Variants in FCN2 observed in about 807,000 individuals in gnomAD.
FCN2 encodes the protein ficolin-2.
Under a neutral mutation model 32.5 loss-of-function variants are expected in FCN2, and 31 were observed. That is an observed-to-expected ratio of 0.96 (90% CI 0.72 to 1.29). The LOEUF is 1.29. Among genes scored for constraint, FCN2 ranks in the 50% most tolerant of loss-of-function variants. The pLI is 0.00. For synonymous variants in FCN2, 181 were observed against 164.5 expected, an observed-to-expected ratio of 1.10 and a Z score of -0.77; for missense variants, 412 against 406.5, an observed-to-expected ratio of 1.01 and a Z score of -0.12.
At chr9:134,869,837 G>A in the FCN2 span, among the ~76,000 whole-genome samples, 2 of 152,216 alleles carry the variant, frequency 1.3e-5, no homozygotes, top group Admixed American at 6.5e-5. Context: ...TGAGGGCTAC[G>A]TGATCACAGA....
At chr9:134,876,159 G>T (rs1048385283), upstream of FCN2, among the ~76,000 whole-genome samples, 7 of 152,120 alleles carry the variant, frequency 4.6e-5, no homozygotes, top group Non-Finnish European at 1.0e-4. Flanking sequence ...TCATAGACAG[G>T]TTCAGTTTGC....
the FCN2 span, among the ~76,000 whole-genome samples, chr9:134,872,374 C>G: frequency 6.6e-6 from 1 of 152,190 alleles, no homozygotes; most frequent in East Asian, 1.9e-4. Context: ...CATGACAAAC[C>G]AGGCTGCTAT....
At chr9:134,871,653 G>C in the FCN2 span, among the ~76,000 whole-genome samples, 5 of 152,204 alleles carry the variant, frequency 3.3e-5, no homozygotes, top group African/African-American at 1.2e-4. Flanking sequence ...CCGGTGCTGA[G>C]AGGGAGGATG....
the FCN2 span, among the ~76,000 whole-genome samples, chr9:134,873,592 C>T: frequency 2.0e-5 from 3 of 152,230 alleles, no homozygotes; most frequent in Non-Finnish European, 4.4e-5. Flanking sequence ...TTGCATTTTG[C>T]CATGTACGGT....
At chr9:134,885,610 C>G (rs1830739110) in intron 5 of FCN2, among the ~76,000 whole-genome samples, 158 bp from the exon 6 acceptor site, 1 of 152,092 alleles carries the variant, frequency 6.6e-6, no homozygotes, top group African/African-American at 2.4e-5. Context: ...TTTCCTCCTT[C>G]ATCCTGTGGA....
upstream of FCN2, among the ~76,000 whole-genome samples, chr9:134,878,757 C>T (rs1009365299): frequency 3.3e-5 from 5 of 152,030 alleles, no homozygotes; most frequent in South Asian, 4.2e-4. Flanking sequence ...GCAGGAGAAT[C>T]GCTTGAACCC....
At chr9:134,882,469 C>T (rs1830677527) in intron 1 of FCN2, 57 bp from the exon 2 acceptor site, 2 of 1,378,582 alleles carry the variant, frequency 1.5e-6, no homozygotes, top group African/African-American at 1.4e-5. Flanking sequence ...ATATCTATGG[C>T]TCAGTGGAGT....
At chr9:134,869,211 C>T in the FCN2 span, among the ~76,000 whole-genome samples, 4 of 152,212 alleles carry the variant, frequency 2.6e-5, no homozygotes, top group African/African-American at 7.2e-5. Flanking sequence ...GAGCCTCACA[C>T]GTTGTACCAA....
chr9:134,871,117 C>T, the FCN2 span, among the ~76,000 whole-genome samples: 4 of 152,188 alleles, frequency 2.6e-5, no homozygotes, highest in Non-Finnish European at 4.4e-5. Flanking sequence ...ACGAAAGCCC[C>T]TGAGTGGGCA....
chr9:134,871,222 C>G, the FCN2 span, among the ~76,000 whole-genome samples: 3 of 152,146 alleles, frequency 2.0e-5, no homozygotes, highest in African/African-American at 7.2e-5. Flanking sequence ...GCGCTGAGGA[C>G]TGGTGGAATG....
chr9:134,876,066 G>A (rs973363880), upstream of FCN2, among the ~76,000 whole-genome samples: 1 of 152,108 alleles, frequency 6.6e-6, no homozygotes, highest in East Asian at 1.9e-4. Flanking sequence ...AATTTGGTAA[G>A]CTAGAGAATT....
At chr9:134,872,638 G>A in the FCN2 span, among the ~76,000 whole-genome samples, 1 of 152,128 alleles carries the variant, frequency 6.6e-6, no homozygotes, top group East Asian at 1.9e-4. Flanking sequence ...ACAAGAGAGA[G>A]CGTGGTGCGG....
the FCN2 span, among the ~76,000 whole-genome samples, chr9:134,874,983 T>A: frequency 8.8e-3 from 1,341 of 152,378 alleles, 15 homozygotes; most frequent in South Asian, 0.05. Flanking sequence ...TTTTAATTTA[T>A]TTCTAATTAT....
chr9:134,885,907 C>G lies in FCN2; in HGVS notation c.559+10C>G, dbSNP rs775115635. ...GCCCTGACCGCCCAGGGTAGGGCCG[C>G]TGCTGGGGCTTGGGGGTCGGGGGCC... On this transcript the variant is annotated intron_variant, in intron 6 of 7. Coordinates refer to ENST00000291744, the MANE Select transcript of FCN2 (RefSeq NM_004108.3). The G allele has an allele frequency of 1.8e-5, 29 of 1,605,934 alleles. No homozygotes were observed. The East Asian group carries it at 6.3e-4, about 35-fold the overall frequency.
At chr9:134,878,080 G>C (rs1309162561), upstream of FCN2, among the ~76,000 whole-genome samples, 1 of 152,152 alleles carries the variant, frequency 6.6e-6, no homozygotes, top group Non-Finnish European at 1.5e-5. Flanking sequence ...TCCTGTGCTG[G>C]ATCCTTCCTG....
Position 134,887,512 on chromosome 9 carries a change from C to A in FCN2, c.*97C>A. 2 of 1,192,284 alleles carry A rather than the reference C, an allele frequency of 1.7e-6. No homozygotes were observed. Among genetic ancestry groups the A allele is most frequent in the Middle Eastern group, 1.9e-4 (1 of 5,332 alleles). The allele number at this position is 1,192,284 out of a possible 1,614,324, so 73.9% of individuals were successfully genotyped here. ...TACGGTTTGTAAAAGAAACACATGT[C>A]GTGATTCTAAATTGGGTTTGTCTTG... is the stretch of plus-strand genomic sequence containing the variant. On this transcript the variant is annotated 3_prime_UTR_variant, in exon 8 of 8. Transcript: ENST00000291744.
upstream of FCN2, among the ~76,000 whole-genome samples, chr9:134,878,383 C>T (rs189149374): frequency 1.3e-3 from 194 of 152,270 alleles, no homozygotes; most frequent in African/African-American, 4.1e-3. Context: ...TAACAAGTGA[C>T]GTGACCCCTG....
intron 3 of FCN2, among the ~76,000 whole-genome samples, chr9:134,883,705 T>G (rs1830701183): frequency 9.1e-6 from 1 of 109,848 alleles, no homozygotes; most frequent in Non-Finnish European, 1.9e-5. Flanking sequence ...TTGGGGTGTG[T>G]GTTGGGGGAG....
chr9:134,882,633 AAG>A lies in FCN2; in HGVS notation c.213_214del (p.Gly72ArgfsTer62), dbSNP rs1451190200. Reference protein sequence around the residue: ...GPKGEAGTNGKRGERGPPGPP... With the variant: ...GPKGEAGTNGXRGERGPPGPP... ...CAAGGGAGAGGCAGGCACCAATGGA[AAG>A]AGAGGTAGGTGCAGGCATGGCTGGG... On this transcript the variant is annotated frameshift_variant, in exon 2 of 8. Transcript: ENST00000291744. LOFTEE classifies it high-confidence loss of function. The A allele has an allele frequency of 6.2e-7, 1 of 1,609,334 alleles. No individual in the cohort carries two copies. Among genetic ancestry groups the A allele is most frequent in the Non-Finnish European group, 8.5e-7 (1 of 1,175,816 alleles).
Sources: gnomAD v4.1 joint callset for allele counts (sites outside exome capture counted in the v4.1 genomes callset) on GRCh38, gnomAD v4.1.1 for gene constraint, MANE v1.5 for transcripts, NCBI Gene and HGNC (gene_info 2026-07-23, HGNC 2026-07-21) for gene names.